Variants in PCSK5 observed in about 807,000 individuals in gnomAD.
The protein encoded by PCSK5 is proprotein convertase subtilisin/kexin type 5.
PCSK5 carries 129 observed loss-of-function variants against 233.2 expected under a neutral mutation model. That is an observed-to-expected ratio of 0.55 (90% CI 0.48 to 0.64). The LOEUF (loss-of-function observed/expected upper bound fraction) is 0.64, where lower values mean the gene tolerates loss of function less well. Ranked by LOEUF, PCSK5 falls within the 30% of genes least tolerant of loss-of-function variation. The pLI is 0.00. For synonymous variants in PCSK5, 825 were observed against 879.2 expected, an observed-to-expected ratio of 0.94 and a Z score of 1.09; for missense variants, 2,076 against 2,430.1, an observed-to-expected ratio of 0.85 and a Z score of 3.06.
At position 76,257,817 on chromosome 9, in the gene PCSK5, A is replaced by C. The variant is rs1361182168; in HGVS notation, c.3142+17133A>C. 2.6e-5 allele frequency among the ~76,000 whole-genome samples: 4 copies of C among 152,192 alleles called. No homozygotes were observed. In the South Asian group the frequency reaches 8.3e-4, roughly 32 times the overall value. ...AACCTTAGTCATGTTCTCATGGATG[A>C]TGTGACTGGGTCAATCAAAACTTTT... On this transcript the variant is annotated intron_variant, in intron 24 of 37. Transcript: ENST00000674117.
chr9:76,351,484 GA>G lies in PCSK5; in HGVS notation c.5067+559del, dbSNP rs61695221. Among the ~76,000 whole-genome samples, 611 of 82,090 alleles carry G rather than the reference GA, an allele frequency of 7.4e-3. 55 individuals are homozygous for G. Among genetic ancestry groups the G allele is most frequent in the African/African-American group, 0.024 (577 of 24,002 alleles). 53.9% of individuals were successfully genotyped at this position (82,090 alleles called of 152,430 possible). On this transcript the variant is annotated intron_variant, in intron 36 of 37. Coordinates refer to ENST00000674117, the MANE Select transcript of PCSK5 (RefSeq NM_001372043.1). The stretch of plus-strand genomic sequence containing the variant: ...AGAAAGAAAGAAAGAAAGAAAGAAA[GA>G]AAGAAAGAAAGAAAGAAAGAAAGAA...
intron 5 of PCSK5, among the ~76,000 whole-genome samples, chr9:76,051,891 T>G (rs978385153): frequency 6.6e-6 from 1 of 152,178 alleles, no homozygotes; most frequent in Non-Finnish European, 1.5e-5. Context: ...AACAGAACCC[T>G]CTGATAGAGT....
chr9:76,226,669 G>A (rs1460223380), intron 20 of PCSK5, among the ~76,000 whole-genome samples: 1 of 152,186 alleles, frequency 6.6e-6, no homozygotes, highest in African/African-American at 2.4e-5. Context: ...ACCAGAAAAA[G>A]TGGCTCTGTG....
chr9:76,217,908 C>T (rs1365816160), intron 20 of PCSK5, among the ~76,000 whole-genome samples: 1 of 152,186 alleles, frequency 6.6e-6, no homozygotes, highest in African/African-American at 2.4e-5. Context: ...TCCCCACCCC[C>T]ATCCATACAA....
Position 76,240,624 on chromosome 9 carries a change from C to T in PCSK5, c.3082C>T (p.Gln1028Ter). The change falls in exon 24 of 38, where the codon CAA (glutamine) becomes TAA (stop). Residue 1028 changes from glutamine (Q) to a stop codon, truncating the protein, a stop_gained. Transcript: ENST00000674117. LOFTEE classifies it high-confidence loss of function. ...QKLECGQGEVQDPDYEECVPC... is the reference protein window; with the variant it reads ...QKLECGQGEV ...CTTCTCTGTCTGTGTAGGTGAAGTC[C>T]AAGACCCAGACTATGAAGAATGTGT... 1.3e-6 allele frequency: 2 copies of T among 1,573,242 alleles called. No homozygotes were observed. The highest frequency in any genetic ancestry group is 1.2e-5 in the South Asian group (1 of 85,870).
At chr9:75,934,373 T>A (rs1823953414) in intron 2 of PCSK5, among the ~76,000 whole-genome samples, 1 of 152,180 alleles carries the variant, frequency 6.6e-6, no homozygotes, top group South Asian at 2.1e-4. Context: ...CTTTCGGATC[T>A]TTCTTGTAGT....
chr9:75,946,099 A>G (rs1056765499), intron 2 of PCSK5, among the ~76,000 whole-genome samples: 2 of 152,254 alleles, frequency 1.3e-5, no homozygotes, highest in African/African-American at 4.8e-5. Context: ...AAAACCTTCA[A>G]TAGAAGAATA....
At chr9:75,928,753 A>C (rs904227398) in intron 1 of PCSK5, among the ~76,000 whole-genome samples, 4 of 151,054 alleles carry the variant, frequency 2.6e-5, no homozygotes, top group African/African-American at 9.7e-5. Flanking sequence ...AAGGGTAGAG[A>C]TGTCTCAACC....
chr9:75,915,431 T>G (rs1416256850), intron 1 of PCSK5, among the ~76,000 whole-genome samples: 1 of 152,192 alleles, frequency 6.6e-6, no homozygotes, highest in Non-Finnish European at 1.5e-5. Flanking sequence ...ACATTTGAAA[T>G]AGGAGAAAGT....
At chr9:76,007,839 T>G (rs551791426) in intron 3 of PCSK5, among the ~76,000 whole-genome samples, 1 of 150,818 alleles carries the variant, frequency 6.6e-6, no homozygotes, top group African/African-American at 2.5e-5. Flanking sequence ...TGTGTGTGTG[T>G]GTATTTTTTG....
chr9:76,288,692 A>C (rs1828162586), intron 24 of PCSK5, among the ~76,000 whole-genome samples: 1 of 152,216 alleles, frequency 6.6e-6, no homozygotes, highest in South Asian at 2.1e-4. Flanking sequence ...TATTTCTCAC[A>C]GAGCAGTAAG....
At chr9:76,227,739 A>G in intron 21 of PCSK5, 134 bp downstream of exon 21, 1 of 647,392 alleles carries the variant, frequency 1.5e-6, no homozygotes, top group Non-Finnish European at 2.8e-6. Flanking sequence ...CACTCCACAG[A>G]TATTCTCCTT....
chr9:75,940,576 C>T (rs983806867), intron 2 of PCSK5, among the ~76,000 whole-genome samples: 3 of 152,218 alleles, frequency 2.0e-5, no homozygotes, highest in Non-Finnish European at 4.4e-5. Context: ...CCTACTCATT[C>T]AGGCTGGTGC....
At chr9:76,052,674 C>T (rs1440187593) in intron 5 of PCSK5, among the ~76,000 whole-genome samples, 1 of 152,190 alleles carries the variant, frequency 6.6e-6, no homozygotes, top group African/African-American at 2.4e-5. Context: ...TCCCAAGTCT[C>T]ATGTCCTCAC....
At chr9:75,996,485 A>G (rs1340507) in intron 3 of PCSK5, among the ~76,000 whole-genome samples, 44,022 of 152,084 alleles carry the variant, frequency 0.29, 7,512 homozygotes, top group African/African-American at 0.48. Flanking sequence ...TTAAGTTATG[A>G]TAATTATGAT....
chr9:76,331,463 C>T (rs990056082), intron 33 of PCSK5, among the ~76,000 whole-genome samples: 10 of 151,908 alleles, frequency 6.6e-5, no homozygotes, highest in African/African-American at 1.9e-4. Context: ...GTCAGGAGAT[C>T]GAGACCATCC....
At position 76,184,734 on chromosome 9, in the gene PCSK5, T is replaced by C; in HGVS notation, c.2259T>C (p.Cys753=). 6.2e-7 allele frequency: 1 copy of C among 1,608,244 alleles called. No individual in the cohort carries two copies. Among genetic ancestry groups the C allele is most frequent in the Non-Finnish European group, 8.5e-7 (1 of 1,175,070 alleles). ...NCKTCTEFHN[C]TECRDGLSLQ... ...AGACATGTACTGAATTCCATAACTGTACAGAATGTAGGGATGGGTTAAGGT... is the reference window on the plus strand; with the variant it reads ...AGACATGTACTGAATTCCATAACTGCACAGAATGTAGGGATGGGTTAAGGT... Residue 753 remains cysteine (C), a synonymous_variant, in exon 17 of 38, where the codon TGT becomes TGC. Coordinates refer to ENST00000674117, the MANE Select transcript of PCSK5 (RefSeq NM_001372043.1).
intron 1 of PCSK5, among the ~76,000 whole-genome samples, chr9:75,925,364 G>A (rs141066078): frequency 1.3e-3 from 199 of 152,246 alleles, no homozygotes; most frequent in African/African-American, 4.6e-3. Flanking sequence ...CTGTTATTTC[G>A]AGTTCCTCAA....
chr9:76,020,417 G>C (rs1049822832), intron 3 of PCSK5, among the ~76,000 whole-genome samples: 2 of 152,154 alleles, frequency 1.3e-5, no homozygotes, highest in Non-Finnish European at 2.9e-5. Flanking sequence ...ATTAAAAGTC[G>C]AAGATCCACA....
Sources: allele counts gnomAD v4.1 joint callset (sites outside exome capture counted in the v4.1 genomes callset), GRCh38; gene constraint gnomAD v4.1.1; transcripts MANE v1.5; gene names NCBI Gene and HGNC (gene_info 2026-07-23, HGNC 2026-07-21).